Variants in IGSF21 observed in about 807,000 individuals in gnomAD.
The protein encoded by IGSF21 is immunoglobin superfamily member 21, also known as immunoglobulin superfamily member 21.
Under a neutral mutation model 46.8 loss-of-function variants are expected in IGSF21, and 28 were observed. That is an observed-to-expected ratio of 0.60 (90% CI 0.44 to 0.82). The LOEUF (loss-of-function observed/expected upper bound fraction) is 0.82, where lower values mean the gene tolerates loss of function less well. IGSF21 is among the 40% of genes least tolerant of loss of function. IGSF21 has a pLI of 0.00. For missense variants in IGSF21, 624 were observed against 665.5 expected, an observed-to-expected ratio of 0.94 and a Z score of 0.69; for synonymous variants, 284 against 273.6, an observed-to-expected ratio of 1.04 and a Z score of -0.38.
chr1:18,162,464 G>A (rs1279352928), intron 1 of IGSF21, among the ~76,000 whole-genome samples: 1 of 152,150 alleles, frequency 6.6e-6, no homozygotes, highest in Non-Finnish European at 1.5e-5. Flanking sequence ...GTGCCAGACA[G>A]CATTAGGGAG....
chr1:18,192,941 G>A (rs183701359), intron 1 of IGSF21, among the ~76,000 whole-genome samples: 6 of 152,164 alleles, frequency 3.9e-5, no homozygotes, highest in Admixed American at 2.6e-4. Flanking sequence ...CAGCCCTGGC[G>A]CTGAGGATCT....
intron 3 of IGSF21, among the ~76,000 whole-genome samples, chr1:18,313,695 A>T (rs2085513035): frequency 6.6e-6 from 1 of 152,194 alleles, no homozygotes; most frequent in African/African-American, 2.4e-5. Flanking sequence ...CTGGATAAGG[A>T]TTAATATTGC....
At chr1:18,291,762 C>T (rs1245329586) in intron 2 of IGSF21, 104 bp from the exon 3 acceptor site, 1 of 1,386,248 alleles carries the variant, frequency 7.2e-7, no homozygotes, top group African/African-American at 1.4e-5. Context: ...TGGGGGCTGT[C>T]CTTCTTCTGG....
At chr1:18,174,685 C>G (rs1425136065) in intron 1 of IGSF21, among the ~76,000 whole-genome samples, 1 of 152,248 alleles carries the variant, frequency 6.6e-6, no homozygotes, top group Non-Finnish European at 1.5e-5. Flanking sequence ...CTTCTCCCCC[C>G]AGGGAAGGAT....
intron 1 of IGSF21, among the ~76,000 whole-genome samples, chr1:18,128,481 A>G (rs1198252960): frequency 1.3e-5 from 2 of 152,038 alleles, no homozygotes; most frequent in East Asian, 3.9e-4. Flanking sequence ...CTGGACTCTG[A>G]CCCCATTGCT....
chr1:18,136,648 T>C (rs1330942964), intron 1 of IGSF21, among the ~76,000 whole-genome samples: 4 of 152,258 alleles, frequency 2.6e-5, no homozygotes, highest in African/African-American at 9.6e-5. Context: ...CATGCTGTTT[T>C]GGTAACTGTA....
At chr1:18,354,599 T>G (rs1330121252) in intron 4 of IGSF21, among the ~76,000 whole-genome samples, 1 of 152,112 alleles carries the variant, frequency 6.6e-6, no homozygotes, top group Non-Finnish European at 1.5e-5. Context: ...GCAAACAATA[T>G]AATTTTGAAC....
At chr1:18,235,919 T>A (rs537025205) in intron 2 of IGSF21, among the ~76,000 whole-genome samples, 5 of 151,826 alleles carry the variant, frequency 3.3e-5, no homozygotes, top group Non-Finnish European at 7.4e-5. Context: ...GTAGTGGAGA[T>A]GATGGAAGGG....
At chr1:18,196,428 C>T (rs1315123318) in intron 1 of IGSF21, among the ~76,000 whole-genome samples, 1 of 152,164 alleles carries the variant, frequency 6.6e-6, no homozygotes, top group Non-Finnish European at 1.5e-5. Context: ...GGCGCGTCTG[C>T]AGAATCCAAG....
intron 4 of IGSF21, among the ~76,000 whole-genome samples, chr1:18,354,639 A>C (rs1476454227): frequency 1.3e-5 from 2 of 150,598 alleles, no homozygotes; most frequent in African/African-American, 4.9e-5. Flanking sequence ...TCCCTCCCCC[A>C]AGCCTAATTG....
intron 1 of IGSF21, among the ~76,000 whole-genome samples, chr1:18,225,062 A>ATCTCTCTCTCTCTCTCTCTCTC (rs111721151): frequency 6.3e-5 from 4 of 63,784 alleles, no homozygotes; most frequent in African/African-American, 1.8e-4. Flanking sequence ...GAGACTCTGT[A>ATCTCTCTCTCTCTCTCTCTCTC]TCTCTCTCTC....
Position 18,335,992 on chromosome 1 carries a change from G to A in IGSF21, c.424+982G>A, listed in dbSNP as rs1369604347. 6.6e-6 allele frequency among the ~76,000 whole-genome samples: 1 copy of A among 152,208 alleles called. No homozygotes were observed. Among genetic ancestry groups the A allele is most frequent in the African/African-American group, 2.4e-5 (1 of 41,462 alleles). On this transcript the variant is annotated intron_variant, in intron 4 of 9. Transcript: ENST00000251296. The surrounding 1 kb of genome is among the most constrained non-coding windows in gnomAD (Gnocchi z 4.8). ...ATAAAGGAACTAGCAGCGTTTGGGT[G>A]CCTGGCCCTGGGTTGGCCACACCAG...
intron 2 of IGSF21, among the ~76,000 whole-genome samples, chr1:18,273,504 C>CTTTCTTTCTT (rs2085070839): frequency 3.2e-5 from 2 of 62,832 alleles, no homozygotes; most frequent in South Asian, 1.3e-3. Context: ...TTCTTTCTTT[C>CTTTCTTTCTT]TTTCTTTCTT....
At chr1:18,252,023 T>C (rs1387024081) in intron 2 of IGSF21, among the ~76,000 whole-genome samples, 4 of 148,386 alleles carry the variant, frequency 2.7e-5, no homozygotes, top group Admixed American at 2.0e-4. Flanking sequence ...GTCAATAGGC[T>C]GGAACACTTT....
chr1:18,204,069 C>T (rs574193083), intron 1 of IGSF21, among the ~76,000 whole-genome samples: 1 of 152,236 alleles, frequency 6.6e-6, no homozygotes, highest in African/African-American at 2.4e-5. Context: ...ATACACCAGA[C>T]AGAATGTGCC....
chr1:18,337,968 T>C lies in IGSF21; in HGVS notation c.424+2958T>C, dbSNP rs1354102562. On this transcript the variant is annotated intron_variant, in intron 4 of 9. Transcript: ENST00000251296. This position sits in a 1 kb window ranked among gnomAD's most constrained non-coding sequence, Gnocchi z 5.7. ...TTCTGTAGCTCACCAAGGTCCTGAA[T>C]GGTGAGGGGAGGGCCGGGGGAGGCG... Among the ~76,000 whole-genome samples the C allele has an allele frequency of 6.6e-6, 1 of 152,000 alleles. No homozygotes were observed. Among genetic ancestry groups the C allele is most frequent in the Admixed American group, 6.6e-5 (1 of 15,262 alleles).
At chr1:18,310,744 G>C (rs2085481276) in intron 3 of IGSF21, among the ~76,000 whole-genome samples, 1 of 152,172 alleles carries the variant, frequency 6.6e-6, no homozygotes, top group African/African-American at 2.4e-5. Context: ...AAGGCTAGAA[G>C]TCTGAAATCA....
At chr1:18,310,098 A>G (rs1205132486) in intron 3 of IGSF21, among the ~76,000 whole-genome samples, 4 of 152,196 alleles carry the variant, frequency 2.6e-5, no homozygotes, top group Non-Finnish European at 5.9e-5. Flanking sequence ...ACACCCCGCC[A>G]TCCCCAGCCT....
intron 2 of IGSF21, among the ~76,000 whole-genome samples, chr1:18,271,130 A>C (rs941481752): frequency 6.6e-6 from 1 of 152,264 alleles, no homozygotes; most frequent in East Asian, 1.9e-4. Context: ...ATTGGTTTTC[A>C]TGGTTCTCTA....
Sources: allele counts gnomAD v4.1 joint callset (sites outside exome capture counted in the v4.1 genomes callset), GRCh38; gene constraint gnomAD v4.1.1; non-coding constraint Gnocchi (gnomAD v3.1); transcripts MANE v1.5; gene names NCBI Gene and HGNC (gene_info 2026-07-23, HGNC 2026-07-21).